The following MAGI1 variants were observed in gnomAD, a reference collection of about 807,000 sequenced individuals.
MAGI1 encodes the protein membrane-associated guanylate kinase, WW and PDZ domain-containing protein 1.
Under a neutral mutation model 139.9 loss-of-function variants are expected in MAGI1, and 58 were observed. The observed-to-expected ratio is 0.41, with a 90% CI of 0.34 to 0.52. MAGI1 has a LOEUF of 0.52. Among genes scored for constraint, MAGI1 ranks in the 20% least tolerant of loss-of-function variants. The pLI is 0.12. For synonymous variants in MAGI1, 812 were observed against 737.9 expected, an observed-to-expected ratio of 1.10 and a Z score of -1.63; for missense variants, 1,874 against 1,901.6, an observed-to-expected ratio of 0.99 and a Z score of 0.27.
intron 16 of MAGI1, 72 bp downstream of exon 16, chr3:65,381,805 G>T: frequency 7.4e-7 from 1 of 1,359,268 alleles, no homozygotes; most frequent in South Asian, 1.5e-5. Flanking sequence ...CAAGGAGGCA[G>T]ACACAGGAAG....
At chr3:65,889,359 C>G (rs1024964415) in intron 1 of MAGI1, among the ~76,000 whole-genome samples, 3 of 152,214 alleles carry the variant, frequency 2.0e-5, no homozygotes, top group South Asian at 2.1e-4. Flanking sequence ...AGACCAGTTG[C>G]TGCTACATAT....
At chr3:65,494,423 G>A (rs1033346130) in intron 2 of MAGI1, among the ~76,000 whole-genome samples, 1 of 152,094 alleles carries the variant, frequency 6.6e-6, no homozygotes, top group African/African-American at 2.4e-5. Context: ...CCCAATCTCA[G>A]TCAACAAAGT....
intron 5 of MAGI1, among the ~76,000 whole-genome samples, chr3:65,464,479 C>T (rs536305031): frequency 3.9e-5 from 6 of 152,140 alleles, no homozygotes; most frequent in African/African-American, 1.4e-4. Flanking sequence ...TCTTTAATTT[C>T]CCTTGAGACT....
At chr3:65,785,177 G>C (rs1011405858) in intron 1 of MAGI1, among the ~76,000 whole-genome samples, 2 of 152,096 alleles carry the variant, frequency 1.3e-5, no homozygotes, top group Non-Finnish European at 2.9e-5. Flanking sequence ...ATGTATTCAT[G>C]AGTTACTTAC....
At chr3:65,937,329 T>C (rs7637560) in intron 1 of MAGI1, among the ~76,000 whole-genome samples, 2,392 of 152,260 alleles carry the variant, frequency 0.016, 37 homozygotes, top group Middle Eastern at 0.041. Flanking sequence ...GCCTCAGATT[T>C]CCAACGCTTG....
At chr3:65,839,074 C>T in intron 1 of MAGI1, among the ~76,000 whole-genome samples, 1 of 152,166 alleles carries the variant, frequency 6.6e-6, no homozygotes, top group Middle Eastern at 3.2e-3. Context: ...TCTGAGACAT[C>T]TTTATAAATT....
chr3:65,783,880 T>C (rs989694825), intron 1 of MAGI1, among the ~76,000 whole-genome samples: 1 of 151,792 alleles, frequency 6.6e-6, no homozygotes, highest in Non-Finnish European at 1.5e-5. Flanking sequence ...CCCAGCACTT[T>C]GGGAGGCCGA....
At chr3:65,620,885 T>C (rs2083632895) in intron 2 of MAGI1, among the ~76,000 whole-genome samples, 1 of 152,214 alleles carries the variant, frequency 6.6e-6, no homozygotes, top group South Asian at 2.1e-4. Context: ...GTGGAGGTTA[T>C]CATCTAGAAC....
intron 12 of MAGI1, among the ~76,000 whole-genome samples, chr3:65,418,005 G>A (rs906948961): frequency 5.3e-5 from 8 of 152,128 alleles, no homozygotes; most frequent in African/African-American, 9.7e-5. Flanking sequence ...GACTGTCACC[G>A]TTGGAGAAAG....
intron 1 of MAGI1, among the ~76,000 whole-genome samples, chr3:65,926,408 T>C (rs2062521275): frequency 6.8e-6 from 1 of 148,130 alleles, no homozygotes; most frequent in African/African-American, 2.5e-5. Flanking sequence ...TCAGAGGGGT[T>C]GGAACAGAGC....
At chr3:65,448,547 C>T (rs1468706107) in intron 6 of MAGI1, among the ~76,000 whole-genome samples, 1 of 152,064 alleles carries the variant, frequency 6.6e-6, no homozygotes, top group Non-Finnish European at 1.5e-5. Flanking sequence ...ATTGAAAGTG[C>T]AGACTGTATA....
intron 2 of MAGI1, among the ~76,000 whole-genome samples, chr3:65,558,130 C>T: frequency 6.6e-6 from 1 of 152,192 alleles, no homozygotes; most frequent in Non-Finnish European, 1.5e-5. Flanking sequence ...GGATAATTAT[C>T]ATCATTCTCA....
intron 2 of MAGI1, among the ~76,000 whole-genome samples, chr3:65,509,920 G>C (rs1048275696): frequency 6.6e-6 from 1 of 152,182 alleles, no homozygotes; most frequent in African/African-American, 2.4e-5. Flanking sequence ...CAGCTTTGAA[G>C]AGAGGAGTGG....
intron 8 of MAGI1, 149 bp downstream of exon 8, chr3:65,442,643 T>G: frequency 1.8e-6 from 1 of 543,840 alleles, no homozygotes; most frequent in Non-Finnish European, 3.3e-6. Flanking sequence ...TATTTTCTCA[T>G]TCATTAATAT....
intron 1 of MAGI1, among the ~76,000 whole-genome samples, chr3:66,036,295 C>T (rs1264034624): frequency 1.3e-5 from 2 of 152,180 alleles, no homozygotes; most frequent in Non-Finnish European, 2.9e-5. Flanking sequence ...GTAATACCCA[C>T]AGGAAAGCCA....
At chr3:65,569,100 T>G (rs1042861173) in intron 2 of MAGI1, among the ~76,000 whole-genome samples, 1 of 152,164 alleles carries the variant, frequency 6.6e-6, no homozygotes, top group African/African-American at 2.4e-5. Context: ...AATTCAGCCT[T>G]AAATAAGAAT....
intron 12 of MAGI1, among the ~76,000 whole-genome samples, chr3:65,414,070 C>T (rs1422002624): frequency 6.6e-6 from 1 of 152,156 alleles, no homozygotes; most frequent in African/African-American, 2.4e-5. Context: ...TGGCTATTTC[C>T]TACTGTTTAT....
intron 1 of MAGI1, among the ~76,000 whole-genome samples, chr3:65,665,155 T>G (rs534843367): frequency 9.8e-5 from 15 of 152,302 alleles, no homozygotes; most frequent in Middle Eastern, 3.4e-3. Flanking sequence ...CTCAGCAAAT[T>G]TCCTACCTCT....
At chr3:65,841,204 T>C (rs778628069) in intron 1 of MAGI1, among the ~76,000 whole-genome samples, 31 of 152,078 alleles carry the variant, frequency 2.0e-4, no homozygotes, top group Admixed American at 1.4e-3. Context: ...TAACCGTCTA[T>C]TTTATTGAAC....
Sources: gnomAD v4.1 joint callset for allele counts (sites outside exome capture counted in the v4.1 genomes callset) on GRCh38, gnomAD v4.1.1 for gene constraint, MANE v1.5 for transcripts, NCBI Gene and HGNC (gene_info 2026-07-23, HGNC 2026-07-21) for gene names.